Variants in PCED1B observed in about 807,000 individuals in gnomAD.
PCED1B encodes PC-esterase domain-containing protein 1B.
For missense variants in PCED1B, 573 were observed against 573.9 expected (o/e 1.00, Z 0.02); for synonymous variants, 251 against 246.1 (o/e 1.02, Z -0.19).
intron 3 of PCED1B, among the ~76,000 whole-genome samples, chr12:47,217,430 GAAAA>G: frequency 1.7e-5 from 1 of 57,774 alleles, no homozygotes; most frequent in Admixed American, 2.1e-4. Context: ...AGAGAAAGAA[GAAAA>G]AAAAAGAAAG....
At chr12:47,194,132 C>T (rs1397950707) in intron 2 of PCED1B, among the ~76,000 whole-genome samples, 1 of 152,196 alleles carries the variant, frequency 6.6e-6, no homozygotes, top group Admixed American at 6.5e-5. Flanking sequence ...CTCCATGCTC[C>T]TGAAACACAT....
intron 2 of PCED1B, among the ~76,000 whole-genome samples, chr12:47,126,498 A>G (rs1939893754): frequency 6.6e-6 from 1 of 152,092 alleles, no homozygotes; most frequent in African/African-American, 2.4e-5. Flanking sequence ...TTTTGGTATC[A>G]ACATAACGCT....
intron 2 of PCED1B, among the ~76,000 whole-genome samples, chr12:47,208,032 T>G (rs1401737214): frequency 2.1e-5 from 3 of 144,348 alleles, no homozygotes; most frequent in African/African-American, 7.7e-5. Context: ...ATTTGTTGGG[T>G]TTTTTTTTTC....
In PCED1B at chr12:47,143,951, T is replaced by C. The variant is rs181793698; in HGVS notation, c.-526+39756T>C. ...AAACTCTCTGTGGCAGCTCTGACCC[T>C]ACATTTCCATTTAGCATTGCCCTAG... On this transcript the variant is annotated intron_variant, in intron 2 of 3. Coordinates refer to ENST00000546455, the MANE Select transcript of PCED1B (RefSeq NM_138371.3). Among the ~76,000 whole-genome samples the C allele has an allele frequency of 2.6e-5, 4 of 152,328 alleles. No homozygotes were observed. In the East Asian group the frequency reaches 7.7e-4, roughly 29 times the overall value.
intron 2 of PCED1B, among the ~76,000 whole-genome samples, chr12:47,108,021 T>C (rs1326388261): frequency 1.3e-5 from 2 of 152,062 alleles, no homozygotes; most frequent in Non-Finnish European, 2.9e-5. Flanking sequence ...AAAATGACAG[T>C]ATGAGCAAGT....
At chr12:47,154,101 G>A (rs965912172) in intron 2 of PCED1B, among the ~76,000 whole-genome samples, 20 of 152,190 alleles carry the variant, frequency 1.3e-4, no homozygotes, top group African/African-American at 4.8e-4. Flanking sequence ...GGCGCTGACT[G>A]CCCTTTGTTC....
chr12:47,171,160 C>T (rs565227018), intron 2 of PCED1B, among the ~76,000 whole-genome samples: 18 of 151,570 alleles, frequency 1.2e-4, no homozygotes, highest in Non-Finnish European at 2.1e-4. Flanking sequence ...CTCCGCCTCC[C>T]GGGTTCAAGC....
chr12:47,185,431 G>A (rs896854245), intron 2 of PCED1B, among the ~76,000 whole-genome samples: 1 of 152,190 alleles, frequency 6.6e-6, no homozygotes, highest in Admixed American at 6.5e-5. Context: ...TGCTGGTGTA[G>A]GAGAGGAAAA....
At chr12:47,159,214 G>T (rs1941292290) in intron 2 of PCED1B, among the ~76,000 whole-genome samples, 1 of 152,090 alleles carries the variant, frequency 6.6e-6, no homozygotes, top group South Asian at 2.1e-4. Flanking sequence ...GGGAGTGCAG[G>T]TATCCGTTTA....
chr12:47,178,664 CG>C (rs1942000942), intron 2 of PCED1B, among the ~76,000 whole-genome samples: 1 of 151,708 alleles, frequency 6.6e-6, no homozygotes. Flanking sequence ...GTCAGGAGTT[CG>C]AGACCAGCCT....
intron 2 of PCED1B, among the ~76,000 whole-genome samples, chr12:47,124,992 T>C (rs935207441): frequency 5.3e-5 from 8 of 152,034 alleles, no homozygotes; most frequent in African/African-American, 1.9e-4. Context: ...CAGTGCTTTC[T>C]AAATAGCAGA....
intron 2 of PCED1B, among the ~76,000 whole-genome samples, chr12:47,175,995 A>T (rs1372379345): frequency 2.0e-5 from 3 of 151,176 alleles, no homozygotes; most frequent in African/African-American, 7.3e-5. Context: ...CAAGTTACTG[A>T]GATTACAAGC....
chr12:47,120,234 G>A (rs1939619330), intron 2 of PCED1B, among the ~76,000 whole-genome samples: 1 of 152,034 alleles, frequency 6.6e-6, no homozygotes, highest in Admixed American at 6.6e-5. Flanking sequence ...TGCTGCTAGT[G>A]GAAATGTAAA....
chr12:47,176,810 G>A (rs1297221231), intron 2 of PCED1B, among the ~76,000 whole-genome samples: 3 of 151,918 alleles, frequency 2.0e-5, no homozygotes, highest in Non-Finnish European at 4.4e-5. Context: ...GGGATCTGAC[G>A]CTATTTCCAA....
intron 3 of PCED1B, among the ~76,000 whole-genome samples, chr12:47,222,057 C>G (rs1469267360): frequency 7.4e-5 from 11 of 148,566 alleles, no homozygotes; most frequent in African/African-American, 2.7e-4. Flanking sequence ...GAGCCATGAT[C>G]GCACCATGGC....
chr12:47,157,688 G>C (rs1419057030), intron 2 of PCED1B, among the ~76,000 whole-genome samples: 1 of 152,056 alleles, frequency 6.6e-6, no homozygotes, highest in Non-Finnish European at 1.5e-5. Context: ...GTATAGATCA[G>C]TGTAAAGGTG....
Position 47,109,564 on chromosome 12 carries a change from C to T in PCED1B, c.-526+5369C>T, listed in dbSNP as rs185372665. Among the ~76,000 whole-genome samples the T allele has an allele frequency of 2.1e-3, 322 of 152,018 alleles. 1 individual carries two copies. Among genetic ancestry groups the T allele is most frequent in the African/African-American group, 7.2e-3 (298 of 41,464 alleles). ...TGGAATTTCAGAAATTTTCAAAATT[C>T]AAAAAATGTAATGGTTGTTTCTGGC... is the stretch of plus-strand genomic sequence containing the variant. On this transcript the variant is annotated intron_variant, in intron 2 of 3. Coordinates refer to ENST00000546455, the MANE Select transcript of PCED1B (RefSeq NM_138371.3).
chr12:47,135,150 G>A (rs1414363532), intron 2 of PCED1B, among the ~76,000 whole-genome samples: 1 of 152,138 alleles, frequency 6.6e-6, no homozygotes, highest in Non-Finnish European at 1.5e-5. Flanking sequence ...TGAGTTTGGT[G>A]TCCATGTCCA....
At position 47,127,660 on chromosome 12, in the gene PCED1B, G is replaced by A. The variant is rs189047010; in HGVS notation, c.-526+23465G>A. On this transcript the variant is annotated intron_variant, in intron 2 of 3. Transcript: ENST00000546455. ...ATTACAGGTGTGAGCCACCACACCC[G>A]GCCTCTGCTTTTTATTTCTAATTTA... 1.5e-4 allele frequency among the ~76,000 whole-genome samples: 22 copies of A among 151,624 alleles called. No homozygotes were observed. The South Asian group carries it at 1.9e-3, about 13-fold the overall frequency.
Sources: gnomAD v4.1 joint callset for allele counts (sites outside exome capture counted in the v4.1 genomes callset) on GRCh38, gnomAD v4.1.1 for gene constraint, MANE v1.5 for transcripts, NCBI Gene and HGNC (gene_info 2026-07-23, HGNC 2026-07-21) for gene names.